The following NRXN1 variants were observed in gnomAD, a reference collection of about 807,000 sequenced individuals.
The protein encoded by NRXN1 is neurexin 1.
A neutral mutation model predicts 150.9 loss-of-function variants in NRXN1; 39 were observed. The ratio of observed to expected loss-of-function variants is 0.26; its 90% CI spans 0.20 to 0.34. The LOEUF (loss-of-function observed/expected upper bound fraction) is 0.34. Among genes scored for constraint, NRXN1 ranks in the 10% least tolerant of loss-of-function variants. NRXN1 has a pLI of 1.00. For missense variants in NRXN1, 1,815 were observed against 1,949.9 expected (o/e 0.93, Z 1.30); for synonymous variants, 924 against 757.0 (o/e 1.22, Z -3.62).
At chr2:50,253,854 G>A (rs1327865793) in intron 17 of NRXN1, among the ~76,000 whole-genome samples, 1 of 141,714 alleles carries the variant, frequency 7.1e-6, no homozygotes, top group Non-Finnish European at 1.5e-5. Context: ...GTTCATCCAG[G>A]ATATTGACCT....
intron 17 of NRXN1, among the ~76,000 whole-genome samples, chr2:50,376,434 G>A (rs535642570): frequency 6.6e-6 from 1 of 151,760 alleles, no homozygotes; most frequent in South Asian, 2.1e-4. Flanking sequence ...ACTCCGCAAT[G>A]TATTTAAACT....
At chr2:50,076,292 C>T (rs1456247777) in intron 19 of NRXN1, among the ~76,000 whole-genome samples, 3 of 152,064 alleles carry the variant, frequency 2.0e-5, no homozygotes, top group African/African-American at 7.2e-5. Flanking sequence ...AATTTGTTCC[C>T]AGAAAGAAAT....
chr2:50,874,996 A>G (rs1235476043), intron 5 of NRXN1, among the ~76,000 whole-genome samples: 1 of 151,846 alleles, frequency 6.6e-6, no homozygotes, highest in Non-Finnish European at 1.5e-5. Flanking sequence ...TCCATACACA[A>G]AAGTGGTGTT....
intron 11 of NRXN1, 89 bp from the exon 12 acceptor site, chr2:50,528,740 G>A (rs2093023550): frequency 2.6e-6 from 2 of 760,686 alleles, no homozygotes; most frequent in South Asian, 1.7e-5. Context: ...CCACCCTTCC[G>A]GGGACAGACA....
intron 21 of NRXN1, among the ~76,000 whole-genome samples, chr2:49,979,631 G>T (rs985070504): frequency 1.3e-5 from 2 of 152,178 alleles, no homozygotes; most frequent in African/African-American, 4.8e-5. Flanking sequence ...GTAAACTCCA[G>T]TTGACAGGAA....
At chr2:50,066,934 C>A (rs185015032) in intron 19 of NRXN1, among the ~76,000 whole-genome samples, 1 of 152,076 alleles carries the variant, frequency 6.6e-6, no homozygotes, top group Non-Finnish European at 1.5e-5. Flanking sequence ...AAATTAAATG[C>A]GATATATTAA....
intron 18 of NRXN1, among the ~76,000 whole-genome samples, chr2:50,147,469 CT>C (rs1182530495): frequency 6.6e-6 from 1 of 151,634 alleles, no homozygotes; most frequent in Non-Finnish European, 1.5e-5. Context: ...TGGGGTCCAC[CT>C]CTGAACACTT....
chr2:50,165,140 T>G (rs552537889), intron 18 of NRXN1, among the ~76,000 whole-genome samples: 26 of 152,088 alleles, frequency 1.7e-4, no homozygotes, highest in Non-Finnish European at 3.5e-4. Context: ...GTAACTGACC[T>G]CAGTGGGTAA....
intron 2 of NRXN1, among the ~76,000 whole-genome samples, chr2:51,008,355 G>A (rs534354249): frequency 1.3e-4 from 20 of 152,058 alleles, no homozygotes; most frequent in African/African-American, 4.8e-4. Context: ...TGGCGATGGT[G>A]AAGGCAGATG....
chr2:50,278,256 T>TATATATATATATA (rs1558436973), intron 17 of NRXN1, among the ~76,000 whole-genome samples: 5 of 102,366 alleles, frequency 4.9e-5, no homozygotes, highest in Non-Finnish European at 9.3e-5. Flanking sequence ...ATATATATAT[T>TATATATATATATA]ATATATATTA....
At position 50,531,764 on chromosome 2, in the gene NRXN1, G is replaced by A. The variant is rs375439752; in HGVS notation, c.2144-334C>T. ...CCCCCTTCTCAAGAGCAAAGATCAC[G>A]TTCTTTTGTACAGCCACAGTGTGAG... On this transcript the variant is annotated intron_variant, in intron 10 of 22. Coordinates refer to ENST00000401669, the MANE Select transcript of NRXN1 (RefSeq NM_001330078.2). Among the ~76,000 whole-genome samples the A allele has an allele frequency of 9.6e-4, 146 of 152,194 alleles. 5 individuals are homozygous for A. The South Asian group carries it at 0.028, about 29-fold the overall frequency.
At chr2:50,514,488 C>G (rs1396889400) in intron 12 of NRXN1, among the ~76,000 whole-genome samples, 1 of 152,174 alleles carries the variant, frequency 6.6e-6, no homozygotes, top group Non-Finnish European at 1.5e-5. Context: ...AAATACCGAT[C>G]TCAGCATTGG....
intron 18 of NRXN1, among the ~76,000 whole-genome samples, chr2:50,190,720 C>A (rs563654847): frequency 1.3e-5 from 2 of 149,522 alleles, no homozygotes; most frequent in African/African-American, 2.5e-5. Flanking sequence ...TCAAGCGATT[C>A]TCCTGCCTCA....
At chr2:50,707,063 TGG>T (rs1694542181) in intron 5 of NRXN1, among the ~76,000 whole-genome samples, 2 of 152,206 alleles carry the variant, frequency 1.3e-5, no homozygotes, top group Admixed American at 6.5e-5. Context: ...GTAATGATTC[TGG>T]TCATACATTT....
chr2:50,252,051 G>A (rs1463523478), intron 17 of NRXN1, among the ~76,000 whole-genome samples: 3 of 151,784 alleles, frequency 2.0e-5, no homozygotes, highest in Non-Finnish European at 4.4e-5. Flanking sequence ...GATCCCATTT[G>A]TCAATGTTTG....
intron 17 of NRXN1, among the ~76,000 whole-genome samples, chr2:50,378,949 T>C (rs755040530): frequency 1.1e-4 from 16 of 152,154 alleles, no homozygotes; most frequent in Middle Eastern, 3.2e-3. Flanking sequence ...ATTTGTTTAA[T>C]GTAAACATTC....
At chr2:50,420,194 C>A (rs2083867516) in intron 17 of NRXN1, among the ~76,000 whole-genome samples, 1 of 151,918 alleles carries the variant, frequency 6.6e-6, no homozygotes, top group South Asian at 2.1e-4. Context: ...GTAAAACATA[C>A]AAAGGCAATT....
At chr2:50,759,778 A>G (rs973878974) in intron 5 of NRXN1, among the ~76,000 whole-genome samples, 1 of 151,410 alleles carries the variant, frequency 6.6e-6, no homozygotes, top group Admixed American at 6.6e-5. Context: ...TTGTCAATTA[A>G]TCTGCAAACT....
intron 5 of NRXN1, among the ~76,000 whole-genome samples, chr2:50,830,300 G>A (rs1175962138): frequency 1.3e-5 from 2 of 152,062 alleles, no homozygotes; most frequent in African/African-American, 4.8e-5. Context: ...CTACCTTGAA[G>A]AAGGAGTATT....
Sources: allele counts gnomAD v4.1 joint callset (sites outside exome capture counted in the v4.1 genomes callset), GRCh38; gene constraint gnomAD v4.1.1; transcripts MANE v1.5; gene names NCBI Gene and HGNC (gene_info 2026-07-23, HGNC 2026-07-21).